The following RECK variants were observed in gnomAD, a reference collection of about 807,000 sequenced individuals.
RECK encodes reversion inducing cysteine rich protein with kazal motifs.
Under a neutral mutation model 115.1 loss-of-function variants are expected in RECK, and 69 were observed. The observed-to-expected ratio is 0.60, with a 90% CI of 0.49 to 0.73. The LOEUF (loss-of-function observed/expected upper bound fraction) is 0.73, where lower values mean the gene tolerates loss of function less well. RECK is among the 30% of genes least tolerant of loss of function. The pLI is 0.00. For missense variants in RECK, 1,047 were observed against 1,203.7 expected (o/e 0.87, Z 1.93); for synonymous variants, 414 against 419.7 (o/e 0.99, Z 0.17).
At chr9:36,096,787 C>T (rs1025231122) in intron 10 of RECK, among the ~76,000 whole-genome samples, 2 of 151,984 alleles carry the variant, frequency 1.3e-5, no homozygotes, top group Non-Finnish European at 2.9e-5. Context: ...ACAAAATATA[C>T]AATTTTAAAA....
intron 1 of RECK, among the ~76,000 whole-genome samples, chr9:36,038,900 T>C (rs1289521186): frequency 6.6e-6 from 1 of 152,176 alleles, no homozygotes; most frequent in Non-Finnish European, 1.5e-5. Flanking sequence ...AATGAAAATG[T>C]TCTAAAATTA....
In RECK at chr9:36,121,652, G is replaced by T. The variant is rs139816613; in HGVS notation, c.2658G>T (p.Leu886=). The T allele has an allele frequency of 5.0e-6, 8 of 1,614,142 alleles. No homozygotes were observed. In the South Asian group the frequency reaches 8.8e-5, roughly 18 times the overall value. The part of the protein sequence containing the change: ...YFSIESEIVI[L]IIPVDHYPKA... Reference sequence around the variant, plus strand: ...GCATTGAATCAGAAATTGTGATCCTGATCATTCCCGTCGATCACTATCCAA... The same window carrying T: ...GCATTGAATCAGAAATTGTGATCCTTATCATTCCCGTCGATCACTATCCAA... Residue 886 remains leucine (L), a synonymous_variant, in exon 20 of 21, where the codon CTG becomes CTT. Transcript: ENST00000377966.
At chr9:36,096,228 C>T (rs1173458961) in intron 10 of RECK, among the ~76,000 whole-genome samples, 3 of 144,984 alleles carry the variant, frequency 2.1e-5, no homozygotes, top group Admixed American at 7.0e-5. Context: ...CAGAGTGAGA[C>T]CCTATCTCAA....
intron 13 of RECK, among the ~76,000 whole-genome samples, chr9:36,107,503 G>C (rs1458188929): frequency 6.6e-6 from 1 of 151,374 alleles, no homozygotes; most frequent in African/African-American, 2.4e-5. Context: ...TACTTGGAAG[G>C]CTGAGGCAGA....
In RECK at chr9:36,106,407, G is replaced by T. The variant is rs542264600; in HGVS notation, c.1576+1124G>T. 2.6e-5 allele frequency among the ~76,000 whole-genome samples: 4 copies of T among 151,334 alleles called. No homozygotes were observed. In the South Asian group the frequency reaches 8.4e-4, roughly 32 times the overall value. On this transcript the variant is annotated intron_variant, in intron 13 of 20. Transcript: ENST00000377966. ...CCACCACCATGCCCAGCTAATTTTT[G>T]CATTTTTAGTAGAGACAGCAGGGTT...
In RECK at chr9:36,120,703, ATT is replaced by A. The variant is rs1824428484; in HGVS notation, c.2507_2508del (p.Phe836Ter). The stretch of plus-strand genomic sequence containing the variant: ...TATGTGCTGGGATGTTAAGAGTTTT[ATT>A]TGACAAAGAAAAACTGGATACTATT... ...PLCAGMLRVL[F>X]DKEKLDTIAK... On this transcript the variant is annotated frameshift_variant, in exon 19 of 21. Transcript: ENST00000377966. LOFTEE classifies it high-confidence loss of function. 2 of 1,613,478 alleles carry A rather than the reference ATT, an allele frequency of 1.2e-6. No homozygotes were observed. Among genetic ancestry groups the A allele is most frequent in the African/African-American group, 2.7e-5 (2 of 75,050 alleles).
At chr9:36,100,580 G>A (rs948710594) in intron 11 of RECK, 37 bp downstream of exon 11, 5 of 1,501,796 alleles carry the variant, frequency 3.3e-6, no homozygotes, top group African/African-American at 2.8e-5. Context: ...TCCAGCTTTA[G>A]TTCAGACCCT....
intron 6 of RECK, among the ~76,000 whole-genome samples, chr9:36,066,581 A>C (rs113015440): frequency 2.8e-4 from 43 of 152,024 alleles, no homozygotes; most frequent in Non-Finnish European, 3.5e-4. Flanking sequence ...CTGAAGACAA[A>C]TTTCCAAATT....
intron 9 of RECK, among the ~76,000 whole-genome samples, chr9:36,088,573 G>T (rs1417472756): frequency 6.6e-6 from 1 of 152,228 alleles, no homozygotes; most frequent in African/African-American, 2.4e-5. Context: ...GGGACCCCAT[G>T]TTACTCGGAT....
At chr9:36,071,880 A>ATTT (rs1360433321) in intron 6 of RECK, among the ~76,000 whole-genome samples, 1 of 152,190 alleles carries the variant, frequency 6.6e-6, no homozygotes, top group East Asian at 1.9e-4. Flanking sequence ...GTACACAGCT[A>ATTT]AATGTATAGA....
intron 6 of RECK, among the ~76,000 whole-genome samples, chr9:36,072,280 A>C (rs958020250): frequency 6.6e-6 from 1 of 152,204 alleles, no homozygotes; most frequent in Non-Finnish European, 1.5e-5. Context: ...TACTACCAGA[A>C]GCATAAAGGA....
At chr9:36,120,019 G>A (rs1824398394) in intron 18 of RECK, among the ~76,000 whole-genome samples, 1 of 152,170 alleles carries the variant, frequency 6.6e-6, no homozygotes, top group Admixed American at 6.5e-5. Flanking sequence ...CGGATCACGA[G>A]ATCAGGAGAT....
chr9:36,041,982 C>A (rs748968712), intron 1 of RECK, among the ~76,000 whole-genome samples: 1 of 151,870 alleles, frequency 6.6e-6, no homozygotes, highest in Non-Finnish European at 1.5e-5. Flanking sequence ...AAATATGGTA[C>A]TGAAATAGTA....
At chr9:36,066,941 A>AT in intron 6 of RECK, 1 of 1,062,756 alleles carries the variant, frequency 9.4e-7, no homozygotes, top group South Asian at 1.3e-5. Context: ...ATCTTCCCTA[A>AT]TTTGGCCTAG....
intron 4 of RECK, among the ~76,000 whole-genome samples, chr9:36,062,547 G>C (rs563545663): frequency 6.6e-6 from 1 of 151,752 alleles, no homozygotes; most frequent in Admixed American, 6.6e-5. Context: ...GTGCAGTCTC[G>C]GCCCACTGCA....
At position 36,118,835 on chromosome 9, in the gene RECK, C is replaced by T. The variant is rs1474031650; in HGVS notation, c.2332C>T (p.Arg778Cys). Residue 778 changes from arginine (R) to cysteine (C), a missense_variant, in exon 18 of 21, where the codon CGC (arginine) becomes TGC (cysteine). Arg to Cys is a radical substitution (Grantham distance 180). Coordinates refer to ENST00000377966, the MANE Select transcript of RECK (RefSeq NM_021111.3). ...YSSVCAAYSD[R>C]VAVDYYGDCQ... is the part of the protein sequence containing the mutation. Reference sequence around the variant, plus strand: ...CAGTGTGTGTGCTGCCTACTCGGATCGCGTGGCAGTCGATTACTATGGGGA... The same window carrying T: ...CAGTGTGTGTGCTGCCTACTCGGATTGCGTGGCAGTCGATTACTATGGGGA... The T allele has an allele frequency of 5.0e-6, 8 of 1,614,008 alleles. No individual in the cohort carries two copies. The highest frequency in any genetic ancestry group is 5.9e-6 in the Non-Finnish European group (7 of 1,180,046).
At chr9:36,079,186 C>T (rs748421023) in intron 6 of RECK, among the ~76,000 whole-genome samples, 8 of 152,146 alleles carry the variant, frequency 5.3e-5, no homozygotes, top group Non-Finnish European at 1.2e-4. Context: ...TGAGCCACCT[C>T]GCCCAGCTGG....
intron 7 of RECK, 57 bp from the exon 8 acceptor site, chr9:36,083,308 T>C: frequency 6.6e-7 from 1 of 1,512,812 alleles, no homozygotes; most frequent in Non-Finnish European, 9.1e-7. Flanking sequence ...ATGATGATGA[T>C]TTAATGTTAA....
At chr9:36,075,160 A>G (rs531779047) in intron 6 of RECK, among the ~76,000 whole-genome samples, 11 of 152,392 alleles carry the variant, frequency 7.2e-5, no homozygotes, top group South Asian at 4.1e-4. Context: ...CCACTAGGCC[A>G]AAGCAAGGCA....
Sources: allele counts gnomAD v4.1 joint callset (sites outside exome capture counted in the v4.1 genomes callset), GRCh38; gene constraint gnomAD v4.1.1; transcripts MANE v1.5; gene names NCBI Gene and HGNC (gene_info 2026-07-23, HGNC 2026-07-21).